The following PHACTR3 variants were observed in gnomAD, a reference collection of about 807,000 sequenced individuals.
The protein encoded by PHACTR3 is protein phosphatase 1, regulatory subunit 123.
In PHACTR3, 16 loss-of-function variants were observed where a neutral mutation model predicts 66.8. The observed-to-expected ratio is 0.24, with a 90% CI of 0.16 to 0.36. The LOEUF is 0.36. Among genes scored for constraint, PHACTR3 ranks in the 10% least tolerant of loss-of-function variants. The pLI is 1.00. For synonymous variants in PHACTR3, 323 were observed against 292.1 expected (o/e 1.11, Z -1.08); for missense variants, 647 against 719.9 (o/e 0.90, Z 1.16).
chr20:59,751,813 A>C (rs568449289), intron 3 of PHACTR3, among the ~76,000 whole-genome samples: 56 of 151,878 alleles, frequency 3.7e-4, no homozygotes, highest in African/African-American at 1.3e-3. Context: ...GACCCCTCTG[A>C]TCTCTTCAGT....
intron 1 of PHACTR3, among the ~76,000 whole-genome samples, chr20:59,580,997 G>A (rs1290166746): frequency 6.6e-6 from 1 of 152,230 alleles, no homozygotes; most frequent in Non-Finnish European, 1.5e-5. Context: ...TGGAGTGAGG[G>A]AGTGGGGAGG....
intron 10 of PHACTR3, among the ~76,000 whole-genome samples, 168 bp from the exon 11 acceptor site, chr20:59,841,227 A>G (rs866428217): frequency 2.0e-5 from 3 of 152,314 alleles, no homozygotes; most frequent in Middle Eastern, 3.4e-3. Flanking sequence ...AGTACAGTAT[A>G]TAATTTCAGC....
intron 8 of PHACTR3, among the ~76,000 whole-genome samples, chr20:59,821,849 A>C (rs969727198): frequency 1.4e-5 from 2 of 146,168 alleles, no homozygotes; most frequent in African/African-American, 2.4e-5. Flanking sequence ...ACCCTCCCAC[A>C]CTGGGCCAGG....
chr20:59,718,335 A>G (rs1020777187), intron 1 of PHACTR3, among the ~76,000 whole-genome samples: 2 of 152,186 alleles, frequency 1.3e-5, no homozygotes, highest in Non-Finnish European at 2.9e-5. Flanking sequence ...TGCCCAGCCC[A>G]TCATTTCCAT....
At chr20:59,581,114 G>T (rs1211939360) in intron 1 of PHACTR3, among the ~76,000 whole-genome samples, 1 of 149,748 alleles carries the variant, frequency 6.7e-6, no homozygotes, top group Non-Finnish European at 1.5e-5. Flanking sequence ...GATCGCAGAA[G>T]GACATGGGTA....
At chr20:59,713,186 G>A (rs549236120) in intron 1 of PHACTR3, among the ~76,000 whole-genome samples, 2 of 152,254 alleles carry the variant, frequency 1.3e-5, no homozygotes, top group South Asian at 4.1e-4. Flanking sequence ...CATTCATGAG[G>A]GTCCACAGAG....
At chr20:59,675,875 G>A (rs1276955689) in intron 1 of PHACTR3, among the ~76,000 whole-genome samples, 8 of 152,228 alleles carry the variant, frequency 5.3e-5, no homozygotes, top group Non-Finnish European at 1.0e-4. Context: ...AGACATACCT[G>A]CAGCAGCAGG....
At position 59,767,321 on chromosome 20, in the gene PHACTR3, G is replaced by A. The variant is rs143402734; in HGVS notation, c.677G>A (p.Gly226Asp). Residue 226 changes from glycine (G) to aspartate (D), a missense_variant, in exon 5 of 13, where the codon GGC becomes GAC. Physicochemically the swap from Gly to Asp is moderately conservative, Grantham distance 94. Coordinates refer to ENST00000371015, the MANE Select transcript of PHACTR3 (RefSeq NM_080672.5). ...SPPRPLERSV[G>D]QLPSPPLLPT... Reference sequence around the variant, plus strand: ...CCCAGACCTCTGGAGAGATCCGTGGGCCAGCTCCCCAGCCCCCCACTGCTG... The same window carrying A: ...CCCAGACCTCTGGAGAGATCCGTGGACCAGCTCCCCAGCCCCCCACTGCTG... The A allele has an allele frequency of 9.3e-6, 15 of 1,614,040 alleles. No homozygotes were observed. The Admixed American group carries it at 2.3e-4, about 25-fold the overall frequency.
chr20:59,793,101 G>T (rs992758298), intron 7 of PHACTR3, among the ~76,000 whole-genome samples: 2 of 151,838 alleles, frequency 1.3e-5, no homozygotes, highest in African/African-American at 4.8e-5. Flanking sequence ...GTTTTCCAGG[G>T]TGCTCTTGAA....
intron 1 of PHACTR3, among the ~76,000 whole-genome samples, chr20:59,605,846 C>CGGGGGGGGGGGGGGGGGG (rs200107140): frequency 2.6e-4 from 2 of 7,762 alleles, no homozygotes; most frequent in African/African-American, 1.8e-3. Context: ...CCTAATAAAG[C>CGGGGGGGGGGGGGGGGGG]GGGGGGGGAG....
At chr20:59,748,730 C>T (rs989761379) in intron 3 of PHACTR3, among the ~76,000 whole-genome samples, 1 of 152,134 alleles carries the variant, frequency 6.6e-6, no homozygotes, top group Non-Finnish European at 1.5e-5. Context: ...GGACCAAGCT[C>T]TGGCCTGCTG....
At chr20:59,628,559 G>C in intron 1 of PHACTR3, 1 of 945,214 alleles carries the variant, frequency 1.1e-6, no homozygotes, top group Non-Finnish European at 1.3e-6. Context: ...GGCTCCCAGG[G>C]AGAGAGGCGA....
chr20:59,714,271 T>C (rs2038014644), intron 1 of PHACTR3, among the ~76,000 whole-genome samples: 1 of 152,212 alleles, frequency 6.6e-6, no homozygotes, highest in Non-Finnish European at 1.5e-5. Flanking sequence ...GTAAGGAGTA[T>C]TTGCCTACCC....
chr20:59,720,262 G>T (rs1383385867), intron 1 of PHACTR3, among the ~76,000 whole-genome samples: 2 of 152,200 alleles, frequency 1.3e-5, no homozygotes, highest in Non-Finnish European at 2.9e-5. Flanking sequence ...AGGGTGGTCT[G>T]CTGGGCTCTG....
chr20:59,614,409 T>C (rs2033959752), intron 1 of PHACTR3, among the ~76,000 whole-genome samples: 1 of 152,018 alleles, frequency 6.6e-6, no homozygotes, highest in South Asian at 2.1e-4. Flanking sequence ...GTCTGTAGAG[T>C]TGTTGAAGGT....
At chr20:59,630,995 G>A (rs1309048795) in intron 1 of PHACTR3, among the ~76,000 whole-genome samples, 1 of 152,202 alleles carries the variant, frequency 6.6e-6, no homozygotes, top group East Asian at 1.9e-4. Flanking sequence ...GAGTTGAAGT[G>A]ACCACCACCA....
rs200794146 is a variant in PHACTR3 at position 59,756,913 on chromosome 20, A to T, written c.541+1549A>T. On this transcript the variant is annotated intron_variant, in intron 4 of 12. Coordinates refer to ENST00000371015, the MANE Select transcript of PHACTR3 (RefSeq NM_080672.5). Reference sequence around the variant, plus strand: ...TTGCAGCAAAAGAAACTCCCATTGGAGTGAACAGACAACCTACAGAATGGG... The same window carrying T: ...TTGCAGCAAAAGAAACTCCCATTGGTGTGAACAGACAACCTACAGAATGGG... Among the ~76,000 whole-genome samples, 9 of 152,320 alleles carry T rather than the reference A, an allele frequency of 5.9e-5. No individual in the cohort carries two copies. In the East Asian group the frequency reaches 1.7e-3, roughly 29 times the overall value.
At chr20:59,610,305 C>T (rs1462904635) in intron 1 of PHACTR3, among the ~76,000 whole-genome samples, 1 of 152,206 alleles carries the variant, frequency 6.6e-6, no homozygotes, top group Non-Finnish European at 1.5e-5. Flanking sequence ...TAACACCACA[C>T]AGAAGCCAAT....
At chr20:59,685,291 C>T (rs2036820730) in intron 1 of PHACTR3, among the ~76,000 whole-genome samples, 1 of 152,202 alleles carries the variant, frequency 6.6e-6, no homozygotes, top group Non-Finnish European at 1.5e-5. Flanking sequence ...CTCTGAGATC[C>T]TGCCTGCCTT....
Sources: gnomAD v4.1 joint callset for allele counts (sites outside exome capture counted in the v4.1 genomes callset) on GRCh38, gnomAD v4.1.1 for gene constraint, MANE v1.5 for transcripts, NCBI Gene and HGNC (gene_info 2026-07-23, HGNC 2026-07-21) for gene names.